The following ARHGAP28 variants were observed in gnomAD, a reference collection of about 807,000 sequenced individuals.
ARHGAP28 encodes rho GTPase-activating protein 28.
ARHGAP28 carries 56 observed loss-of-function variants against 90.7 expected under a neutral mutation model. That is an observed-to-expected ratio of 0.62 (90% CI 0.50 to 0.77). The LOEUF (loss-of-function observed/expected upper bound fraction) is 0.77. ARHGAP28 is among the 30% of genes least tolerant of loss of function. The pLI is 0.00. For synonymous variants in ARHGAP28, 308 were observed against 323.3 expected, an observed-to-expected ratio of 0.95 and a Z score of 0.51; for missense variants, 869 against 900.9, an observed-to-expected ratio of 0.96 and a Z score of 0.45.
chr18:6,855,080 C>G (rs973495606), intron 4 of ARHGAP28, among the ~76,000 whole-genome samples: 2 of 152,214 alleles, frequency 1.3e-5, no homozygotes, highest in African/African-American at 4.8e-5. Context: ...GCAGGTGCCC[C>G]TCAGCAGGAA....
chr18:6,796,059 C>A (rs2056439351), intron 1 of ARHGAP28, among the ~76,000 whole-genome samples: 1 of 152,220 alleles, frequency 6.6e-6, no homozygotes, highest in South Asian at 2.1e-4. Flanking sequence ...ATGTGCCTAA[C>A]AAAATGTAGA....
At chr18:6,736,212 G>A (rs558834277) in intron 1 of ARHGAP28, among the ~76,000 whole-genome samples, 3 of 151,600 alleles carry the variant, frequency 2.0e-5, no homozygotes, top group South Asian at 2.1e-4. Context: ...TGAAATAGAC[G>A]TCTAGTAGTC....
At chr18:6,735,742 A>G (rs1332961955) in intron 1 of ARHGAP28, among the ~76,000 whole-genome samples, 2 of 151,894 alleles carry the variant, frequency 1.3e-5, no homozygotes, top group South Asian at 2.1e-4. Flanking sequence ...TTTTGTGGAG[A>G]TGGAGTTTTG....
chr18:6,870,821 A>G lies in ARHGAP28; in HGVS notation c.954+89A>G, dbSNP rs2057078516. ...TTTCTTTTTCTTTTTTTTTTTTGAG[A>G]CGGAGTCTCGCTCTATTGCCCCAGG... On this transcript the variant is annotated intron_variant, in intron 7 of 17. Transcript: ENST00000383472. 39 of 1,363,316 alleles carry G rather than the reference A, an allele frequency of 2.9e-5. 1 individual carries two copies. The South Asian group carries it at 4.9e-4, about 17-fold the overall frequency. The allele number at this position is 1,363,316 out of a possible 1,614,324, so 84.5% of individuals were successfully genotyped here.
chr18:6,853,199 A>C (rs1326945955), intron 4 of ARHGAP28, among the ~76,000 whole-genome samples: 1 of 152,142 alleles, frequency 6.6e-6, no homozygotes, highest in African/African-American at 2.4e-5. Flanking sequence ...GCCTTCAACT[A>C]TCTGAATGGA....
intron 5 of ARHGAP28, among the ~76,000 whole-genome samples, chr18:6,866,559 A>G (rs527430826): frequency 6.6e-6 from 1 of 152,180 alleles, no homozygotes; most frequent in African/African-American, 2.4e-5. Flanking sequence ...TCGCTCTCCA[A>G]TAACACTTGC....
chr18:6,736,608 G>A (rs1005512554), intron 1 of ARHGAP28, among the ~76,000 whole-genome samples: 15 of 151,648 alleles, frequency 9.9e-5, no homozygotes, highest in African/African-American at 2.7e-4. Context: ...TTAGTCGAGC[G>A]TGATGGTGGG....
At position 6,870,586 on chromosome 18, in the gene ARHGAP28, T is replaced by C. The variant is rs1241988; in HGVS notation, c.812-4T>C. The C allele has an allele frequency of 3.8e-3, 6,077 of 1,606,960 alleles. 223 individuals carry two copies. The African/African-American group carries it at 0.074, about 20-fold the overall frequency. ...ATAGTCTGTATTCTTTGTTTTGTCT[T>C]TAGATGATGATTTTCTGGAAAAGAA... On this transcript the variant is annotated splice_polypyrimidine_tract_variant and splice_region_variant and intron_variant, in intron 6 of 17. Coordinates refer to ENST00000383472, the MANE Select transcript of ARHGAP28 (RefSeq NM_001366230.1).
At chr18:6,827,007 AG>A (rs1248452813) in intron 2 of ARHGAP28, among the ~76,000 whole-genome samples, 1 of 152,196 alleles carries the variant, frequency 6.6e-6, no homozygotes, top group Non-Finnish European at 1.5e-5. Context: ...GTTGGGGGTA[AG>A]GTCACAGATC....
Position 6,914,031 on chromosome 18 carries a change from T to G in ARHGAP28, c.*1877T>G, listed in dbSNP as rs1352877043. On this transcript the variant is annotated 3_prime_UTR_variant, in exon 18 of 18. Coordinates refer to ENST00000383472, the MANE Select transcript of ARHGAP28 (RefSeq NM_001366230.1). ...TACATTTCTGCGTATATATGAAAACTGAATGATATTTCTCAGTGTATTTCC... is the reference window on the plus strand; with the variant it reads ...TACATTTCTGCGTATATATGAAAACGGAATGATATTTCTCAGTGTATTTCC... 6.6e-6 allele frequency: 1 copy of G among 152,192 alleles called. No homozygotes were observed. Among genetic ancestry groups the G allele is most frequent in the Non-Finnish European group, 1.5e-5 (1 of 68,040 alleles). The allele number at this position is 152,192 out of a possible 1,614,324, so 9.4% of individuals were successfully genotyped here.
Position 6,795,318 on chromosome 18 carries a change from C to G in ARHGAP28, c.123-29444C>G, listed in dbSNP as rs546999817. Among the ~76,000 whole-genome samples the G allele has an allele frequency of 2.6e-5, 4 of 152,144 alleles. No individual in the cohort carries two copies. The East Asian group carries it at 7.8e-4, about 30-fold the overall frequency. On this transcript the variant is annotated intron_variant, in intron 1 of 17. Coordinates refer to ENST00000383472, the MANE Select transcript of ARHGAP28 (RefSeq NM_001366230.1). ...GAAGAGTGCTCCAGGAGGGCACAGC[C>G]TGTGTTGATGGTGACGAGATGGGAG...
intron 17 of ARHGAP28, among the ~76,000 whole-genome samples, chr18:6,911,623 A>G (rs918261344): frequency 2.0e-5 from 3 of 152,052 alleles, no homozygotes; most frequent in African/African-American, 4.8e-5. Flanking sequence ...TTTAGTAGAC[A>G]TGGGGTTTCA....
chr18:6,889,897 A>T lies in ARHGAP28; in HGVS notation c.1546A>T (p.Thr516Ser). The T allele has an allele frequency of 6.2e-7, 1 of 1,614,062 alleles. No homozygotes were observed. The highest frequency in any genetic ancestry group is 8.5e-7 in the Non-Finnish European group (1 of 1,179,992). The stretch of plus-strand genomic sequence containing the variant: ...TGCTGTTTCTTCTTAGGCCCTCATG[A>T]CATTCTTCAATAAAGTGATTGCCAA... Reference protein sequence around the residue: ...ANRDAAQALMTFFNKVIANES... With the variant: ...ANRDAAQALMSFFNKVIANES... Residue 516 changes from threonine to serine, a missense_variant, in exon 13 of 18, where the codon ACA becomes TCA. Transcript: ENST00000383472.
chr18:6,873,707 C>T lies in ARHGAP28; in HGVS notation c.1144C>T (p.Leu382Phe). The change falls in exon 9 of 18, where the codon CTT becomes TTT. Residue 382 changes from leucine (L) to phenylalanine (F), a missense_variant. Coordinates refer to ENST00000383472, the MANE Select transcript of ARHGAP28 (RefSeq NM_001366230.1). ...AGACAATGGGATTTTTGGAGTTCCA[C>T]TTACAGTCCTCCTGGACGGTGACCG... Reference protein sequence around the residue: ...GRDNGIFGVPLTVLLDGDRKK... With the variant: ...GRDNGIFGVPFTVLLDGDRKK... 5 of 1,613,890 alleles carry T rather than the reference C, an allele frequency of 3.1e-6. No homozygotes were observed. Among genetic ancestry groups the T allele is most frequent in the Non-Finnish European group, 4.2e-6 (5 of 1,179,982 alleles).
At chr18:6,849,861 TC>T (rs1330084555) in intron 3 of ARHGAP28, among the ~76,000 whole-genome samples, 1 of 152,232 alleles carries the variant, frequency 6.6e-6, no homozygotes, top group East Asian at 1.9e-4. Context: ...GCTTTTTGTT[TC>T]TGATAACTCT....
intron 2 of ARHGAP28, 92 bp downstream of exon 2, chr18:6,825,056 T>C: frequency 8.8e-7 from 1 of 1,129,968 alleles, no homozygotes; most frequent in Non-Finnish European, 1.2e-6. Context: ...ATCCCACCAA[T>C]AGTTTAACCA....
At chr18:6,840,843 C>T (rs1392211971) in intron 3 of ARHGAP28, among the ~76,000 whole-genome samples, 1 of 152,148 alleles carries the variant, frequency 6.6e-6, no homozygotes, top group Admixed American at 6.5e-5. Context: ...GTAAGTTTGG[C>T]ATTGTATAAG....
chr18:6,893,936 G>A (rs377639063), intron 14 of ARHGAP28, among the ~76,000 whole-genome samples: 194 of 143,572 alleles, frequency 1.4e-3, no homozygotes, highest in African/African-American at 4.7e-3. Context: ...GCGCGATCTC[G>A]GCTCGCTGCA....
intron 5 of ARHGAP28, among the ~76,000 whole-genome samples, chr18:6,860,152 A>G (rs113106597): frequency 7.9e-5 from 12 of 152,296 alleles, no homozygotes; most frequent in African/African-American, 2.6e-4. Context: ...ATGTGTATCA[A>G]TTTGGAGGAA....
Sources: gnomAD v4.1 joint callset for allele counts (sites outside exome capture counted in the v4.1 genomes callset) on GRCh38, gnomAD v4.1.1 for gene constraint, MANE v1.5 for transcripts, NCBI Gene and HGNC (gene_info 2026-07-23, HGNC 2026-07-21) for gene names.